PDZD2: variants seen among roughly 807,000 people sequenced by gnomAD.
The protein encoded by PDZD2 is PDZ domain-containing protein 2.
PDZD2 carries 90 observed loss-of-function variants against 220.7 expected under a neutral mutation model. The observed-to-expected ratio is 0.41, with a 90% CI of 0.34 to 0.49. PDZD2 has a LOEUF of 0.49. Ranked by LOEUF, PDZD2 falls within the 20% of genes least tolerant of loss-of-function variation. The pLI is 0.28. For synonymous variants in PDZD2, 1,375 were observed against 1,450.5 expected, an observed-to-expected ratio of 0.95 and a Z score of 1.18; for missense variants, 3,174 against 3,608.5, an observed-to-expected ratio of 0.88 and a Z score of 3.08.
chr5:31,943,390 C>G (rs1166600736), intron 2 of PDZD2, among the ~76,000 whole-genome samples: 2 of 152,084 alleles, frequency 1.3e-5, no homozygotes, highest in Admixed American at 1.3e-4. Flanking sequence ...GCTGGGGGAA[C>G]CGTTCAGAAC....
At chr5:31,753,471 G>A (rs1043067680) in intron 1 of PDZD2, among the ~76,000 whole-genome samples, 5 of 152,152 alleles carry the variant, frequency 3.3e-5, no homozygotes, top group Non-Finnish European at 7.4e-5. Flanking sequence ...ATAGTGGCAC[G>A]CACCTGTAGT....
At chr5:31,963,756 G>GA (rs1220180774) in intron 2 of PDZD2, among the ~76,000 whole-genome samples, 4 of 152,176 alleles carry the variant, frequency 2.6e-5, no homozygotes, top group African/African-American at 9.7e-5. Context: ...TCTGTATTTT[G>GA]AAAAACATCT....
intron 1 of PDZD2, among the ~76,000 whole-genome samples, chr5:31,795,569 GCTTGTAGGC>G (rs1753975528): frequency 6.6e-6 from 1 of 152,326 alleles, no homozygotes; most frequent in African/African-American, 2.4e-5. Flanking sequence ...AGGATGGGAA[GCTTGTAGGC>G]CTTTGCACAG....
At chr5:31,744,696 A>T (rs565505540) in intron 1 of PDZD2, among the ~76,000 whole-genome samples, 2 of 152,306 alleles carry the variant, frequency 1.3e-5, no homozygotes, top group Admixed American at 1.3e-4. Flanking sequence ...CCAAGGATAT[A>T]GTCAAATTAT....
intron 1 of PDZD2, among the ~76,000 whole-genome samples, chr5:31,753,819 G>A (rs528133338): frequency 1.2e-4 from 18 of 152,296 alleles, no homozygotes; most frequent in African/African-American, 4.1e-4. Context: ...CCTCACAGAG[G>A]TGTTAGGCCT....
At chr5:32,023,069 C>T (rs893398871) in intron 6 of PDZD2, among the ~76,000 whole-genome samples, 36 of 152,168 alleles carry the variant, frequency 2.4e-4, no homozygotes, top group African/African-American at 8.7e-4. Context: ...TGGGAGGTCA[C>T]CTGCCAGTCG....
intron 2 of PDZD2, among the ~76,000 whole-genome samples, chr5:31,968,448 A>G (rs1361982891): frequency 6.6e-6 from 1 of 151,952 alleles, no homozygotes; most frequent in Non-Finnish European, 1.5e-5. Flanking sequence ...GAGGTTGGGA[A>G]TTCGAGACCA....
intron 2 of PDZD2, among the ~76,000 whole-genome samples, chr5:31,907,485 T>C (rs1742762237): frequency 6.6e-6 from 1 of 152,218 alleles, no homozygotes; most frequent in African/African-American, 2.4e-5. Flanking sequence ...CAGTTCATAG[T>C]ATTAGTCATA....
rs1754229167 is a variant in PDZD2, at chr5:31,799,126, A to G, written c.-123A>G. The stretch of plus-strand genomic sequence containing the variant: ...GTAGGTGTCCCTAGGCTCATCTGCC[A>G]GCCTGAACATGAACACAGGCAAAGC... On this transcript the variant is annotated 5_prime_UTR_variant, in exon 2 of 25. Transcript: ENST00000438447. 6 of 645,032 alleles carry G rather than the reference A, an allele frequency of 9.3e-6. No homozygotes were observed. The East Asian group carries it at 1.6e-4, about 18-fold the overall frequency. The allele number at this position is 645,032 out of a possible 1,614,324, so 40.0% of individuals were successfully genotyped here. A position where few individuals can be genotyped will look rare whatever the true frequency, so the allele number is the denominator to read the frequency against.
At chr5:31,688,601 G>A (rs546547393) in intron 1 of PDZD2, among the ~76,000 whole-genome samples, 3 of 152,238 alleles carry the variant, frequency 2.0e-5, no homozygotes, top group South Asian at 2.1e-4. Context: ...GCACACACAC[G>A]TGAGCACATG....
At chr5:31,919,730 A>AAAC (rs3037134) in intron 2 of PDZD2, among the ~76,000 whole-genome samples, 31,511 of 139,946 alleles carry the variant, frequency 0.23, 4,350 homozygotes, top group East Asian at 0.48. Flanking sequence ...AAAAAAAAAA[A>AAAC]GGCCAGGCAC....
At position 31,881,366 on chromosome 5, in the gene PDZD2, GTGTATA is replaced by G. The variant is rs765192598; in HGVS notation, c.476+81644_476+81649del. Among the ~76,000 whole-genome samples, 17 of 98,816 alleles carry G rather than the reference GTGTATA, an allele frequency of 1.7e-4. No individual in the cohort carries two copies. In the East Asian group the frequency reaches 2.7e-3, roughly 16 times the overall value. The allele number at this position is 98,816 out of a possible 152,430, so 64.8% of individuals were successfully genotyped here. ...TGTGTGTGTGTGTGTGTGTGTGTGT[GTGTATA>G]TATTTTTTTTTTTTTTGAGATGGAG... On this transcript the variant is annotated intron_variant, in intron 2 of 24. Coordinates refer to ENST00000438447, the MANE Select transcript of PDZD2 (RefSeq NM_178140.4).
At chr5:31,647,005 G>C (rs2150104038) in intron 1 of PDZD2, among the ~76,000 whole-genome samples, 1 of 152,268 alleles carries the variant, frequency 6.6e-6, no homozygotes, top group East Asian at 1.9e-4. Context: ...AAAAACCTAA[G>C]CAGATGTCAG....
intron 2 of PDZD2, among the ~76,000 whole-genome samples, chr5:31,897,243 A>G (rs1439127514): frequency 6.6e-6 from 1 of 152,218 alleles, no homozygotes; most frequent in East Asian, 1.9e-4. Context: ...CACCAGGAGT[A>G]TGTCAGGCTG....
intron 6 of PDZD2, among the ~76,000 whole-genome samples, chr5:32,022,259 A>G (rs1338552116): frequency 7.0e-6 from 1 of 143,562 alleles, no homozygotes. Context: ...GTGCAGTGGC[A>G]TGATCTCTGC....
At chr5:32,025,076 G>A (rs150790326) in intron 6 of PDZD2, among the ~76,000 whole-genome samples, 1 of 152,238 alleles carries the variant, frequency 6.6e-6, no homozygotes, top group African/African-American at 2.4e-5. Context: ...TCTTAAAGAA[G>A]CGCCTGCCCT....
chr5:31,720,335 T>C (rs1580619251), intron 1 of PDZD2, among the ~76,000 whole-genome samples: 1 of 152,208 alleles, frequency 6.6e-6, no homozygotes, highest in East Asian at 1.9e-4. Context: ...ATAGCAGGTA[T>C]CCATTCTAAG....
At chr5:31,974,764 TGTG>T (rs1749596544) in intron 2 of PDZD2, among the ~76,000 whole-genome samples, 1 of 152,150 alleles carries the variant, frequency 6.6e-6, no homozygotes, top group African/African-American at 2.4e-5. Flanking sequence ...TGCTAAACTA[TGTG>T]GTGTCTGGGT....
At chr5:32,052,459 T>G (rs1738655634) in intron 8 of PDZD2, 152 bp from the exon 9 acceptor site, 2 of 717,716 alleles carry the variant, frequency 2.8e-6, no homozygotes. Context: ...GCGATAGTAT[T>G]TATAGGAAAC....
Sources: allele counts gnomAD v4.1 joint callset (sites outside exome capture counted in the v4.1 genomes callset), GRCh38; gene constraint gnomAD v4.1.1; transcripts MANE v1.5; gene names NCBI Gene and HGNC (gene_info 2026-07-23, HGNC 2026-07-21).